LYG1: variants seen among roughly 807,000 people sequenced by gnomAD.
The protein encoded by LYG1 is lysozyme g1, also known as lysozyme g-like protein 1.
LYG1 carries 17 observed loss-of-function variants against 21.7 expected under a neutral mutation model. The ratio of observed to expected loss-of-function variants is 0.78; its 90% CI spans 0.54 to 1.18. The LOEUF is 1.18. Ranked by LOEUF, LYG1 falls within the 50% of genes most tolerant of loss-of-function variation. LYG1 has a pLI of 0.00. For synonymous variants in LYG1, 81 were observed against 87.4 expected (o/e 0.93, Z 0.41); for missense variants, 211 against 238.1 (o/e 0.89, Z 0.75).
In LYG1 at chr2:99,301,103, T is replaced by C. The variant is rs1229863905; in HGVS notation, c.-177A>G. 6.8e-6 allele frequency: 1 copy of C among 147,868 alleles called. No homozygotes were observed. The highest frequency in any genetic ancestry group is 2.5e-5 in the African/African-American group (1 of 39,770). 9.2% of individuals were successfully genotyped at this position (147,868 alleles called of 1,614,324 possible). On this transcript the variant is annotated 5_prime_UTR_variant, in exon 1 of 7. Coordinates refer to ENST00000308528, the MANE Select transcript of LYG1 (RefSeq NM_174898.3). Reference sequence around the variant, plus strand: ...GGTGGTGAGCCCACAGCGATTTATATAGAGTCCTGTTCTCTTGTTAAAAGT... The same window carrying C: ...GGTGGTGAGCCCACAGCGATTTATACAGAGTCCTGTTCTCTTGTTAAAAGT...
upstream of LYG1, among the ~76,000 whole-genome samples, chr2:99,301,462 A>C (rs1432224306): frequency 4.1e-5 from 4 of 96,946 alleles, no homozygotes; most frequent in African/African-American, 6.9e-5. Context: ...GGAAGGGAAG[A>C]GGAAGGGAGG....
intron 5 of LYG1, among the ~76,000 whole-genome samples, chr2:99,286,541 T>TA: frequency 6.6e-6 from 1 of 152,058 alleles, no homozygotes; most frequent in Admixed American, 6.6e-5. Context: ...CCATCTCTAC[T>TA]AAAAATACAA....
chr2:99,300,362 C>T (rs1368091650), intron 1 of LYG1, among the ~76,000 whole-genome samples: 1 of 152,078 alleles, frequency 6.6e-6, no homozygotes, highest in Non-Finnish European at 1.5e-5. Context: ...GCCTGCTTTT[C>T]CCATTTGCGT....
intron 2 of LYG1, among the ~76,000 whole-genome samples, chr2:99,296,733 T>C (rs953806288): frequency 6.5e-4 from 99 of 152,336 alleles, no homozygotes; most frequent in Middle Eastern, 3.4e-3. Context: ...GGAATGTGCA[T>C]ATAAACAAGG....
intron 2 of LYG1, among the ~76,000 whole-genome samples, chr2:99,295,917 TACTC>T (rs908991697): frequency 7.9e-5 from 12 of 152,172 alleles, no homozygotes; most frequent in Non-Finnish European, 1.5e-4. Context: ...AGAAGACTCT[TACTC>T]AGCCCACAGG....
intron 3 of LYG1, among the ~76,000 whole-genome samples, chr2:99,292,886 T>G (rs1322339553): frequency 6.6e-6 from 1 of 152,020 alleles, no homozygotes. Flanking sequence ...TTGAAGCAGT[T>G]ACACTCTTTG....
At chr2:99,300,053 T>G (rs140684066) in intron 1 of LYG1, among the ~76,000 whole-genome samples, 4 of 150,728 alleles carry the variant, frequency 2.7e-5, no homozygotes, top group African/African-American at 9.7e-5. Context: ...AAATATAAAA[T>G]AATATAAAAT....
intron 3 of LYG1, among the ~76,000 whole-genome samples, chr2:99,294,557 G>A (rs1475833592): frequency 6.6e-6 from 1 of 152,122 alleles, no homozygotes; most frequent in Non-Finnish European, 1.5e-5. Flanking sequence ...TATGACTGGT[G>A]ACAAATACCC....
At chr2:99,285,134 G>T (rs1370686381) in intron 5 of LYG1, among the ~76,000 whole-genome samples, 1 of 152,182 alleles carries the variant, frequency 6.6e-6, no homozygotes, top group African/African-American at 2.4e-5. Flanking sequence ...GGCCAAGGTA[G>T]GTGGATCACT....
intron 5 of LYG1, among the ~76,000 whole-genome samples, chr2:99,286,167 C>T (rs1212495294): frequency 6.6e-6 from 1 of 152,160 alleles, no homozygotes; most frequent in Non-Finnish European, 1.5e-5. Flanking sequence ...AGCAAGAAGG[C>T]TCTACCAGAT....
intron 5 of LYG1, 121 bp downstream of exon 5, chr2:99,291,116 T>C: frequency 1.1e-6 from 1 of 875,866 alleles, no homozygotes; most frequent in Non-Finnish European, 1.7e-6. Context: ...GAACTGTCAC[T>C]GTCACAGCTC....
At chr2:99,286,753 C>T (rs2094101410) in intron 5 of LYG1, among the ~76,000 whole-genome samples, 1 of 152,016 alleles carries the variant, frequency 6.6e-6, no homozygotes, top group Admixed American at 6.6e-5. Context: ...ATTTAGTAAT[C>T]CCCTTTCTGG....
chr2:99,295,844 GAA>G lies in LYG1; in HGVS notation c.-32-144_-32-143del, dbSNP rs11289179. Reference sequence around the variant, plus strand: ...GAAAATGAATTATTTGAATCATAGTGAAAAAAAAGCAAAAGTAGGACAAGTAA... The same window carrying G: ...GAAAATGAATTATTTGAATCATAGTGAAAAAAGCAAAAGTAGGACAAGTAA... On this transcript the variant is annotated intron_variant, in intron 2 of 6. Coordinates refer to ENST00000308528, the MANE Select transcript of LYG1 (RefSeq NM_174898.3). The G allele has an allele frequency of 1.8e-4, 132 of 751,878 alleles. 1 individual carries two copies. In the African/African-American group the frequency reaches 2.0e-3, roughly 12 times the overall value. The allele number at this position is 751,878 out of a possible 1,614,324, so 46.6% of individuals were successfully genotyped here.
At chr2:99,300,138 GA>G (rs2094150124) in intron 1 of LYG1, among the ~76,000 whole-genome samples, 1 of 152,050 alleles carries the variant, frequency 6.6e-6, no homozygotes, top group Non-Finnish European at 1.5e-5. Context: ...GCAGCAACAG[GA>G]AGGCTCATTT....
intron 2 of LYG1, among the ~76,000 whole-genome samples, chr2:99,296,261 C>T (rs1346038662): frequency 6.6e-6 from 1 of 152,078 alleles, no homozygotes; most frequent in Non-Finnish European, 1.5e-5. Context: ...TCACCTTGAG[C>T]CATGTTCCCC....
chr2:99,284,476 C>T lies in LYG1; in HGVS notation c.502G>A (p.Val168Ile). The T allele has an allele frequency of 6.2e-7, 1 of 1,614,208 alleles. No individual in the cohort carries two copies. Among genetic ancestry groups the T allele is most frequent in the Non-Finnish European group, 8.5e-7 (1 of 1,180,028 alleles). ...LCAYSGGAGY[V>I]RSSQDLSCDF... Reference sequence around the variant, plus strand: ...CAGCTCAGGTCCTGGCTGCTTCGGACATAGCCAGCACCCCCACTGTAGGCA... The same window carrying T: ...CAGCTCAGGTCCTGGCTGCTTCGGATATAGCCAGCACCCCCACTGTAGGCA... Residue 168 changes from valine to isoleucine, a missense_variant, in exon 7 of 7, where the codon GTC becomes ATC. Physicochemically the swap from Val to Ile is conservative, Grantham distance 29. Coordinates refer to ENST00000308528, the MANE Select transcript of LYG1 (RefSeq NM_174898.3).
In LYG1 at chr2:99,296,351, A is replaced by G. The variant is rs115335626; in HGVS notation, c.-32-649T>C. ...AGAATGGAGCTACCTCCACCAGCAA[A>G]TCCCCAAGAAGCTGGCTCATGGGCA... is the stretch of plus-strand genomic sequence containing the variant. On this transcript the variant is annotated intron_variant, in intron 2 of 6. Coordinates refer to ENST00000308528, the MANE Select transcript of LYG1 (RefSeq NM_174898.3). Among the ~76,000 whole-genome samples, 710 of 152,198 alleles carry G rather than the reference A, an allele frequency of 4.7e-3. 6 individuals carry two copies. Among genetic ancestry groups the G allele is most frequent in the African/African-American group, 0.017 (690 of 41,516 alleles).
intron 5 of LYG1, among the ~76,000 whole-genome samples, chr2:99,285,745 A>G (rs1211700335): frequency 6.6e-6 from 1 of 152,208 alleles, no homozygotes; most frequent in African/African-American, 2.4e-5. Context: ...TTTGCAATAA[A>G]CTTCTTCGCC....
Position 99,292,660 on chromosome 2 carries a change from C to T in LYG1, c.44-20G>A. Reference sequence around the variant, plus strand: ...ACAAGTCTACAAGTTGAGAAAAGTTCAGCCTAAGGCATGGAACTAGTTCTC... The same window carrying T: ...ACAAGTCTACAAGTTGAGAAAAGTTTAGCCTAAGGCATGGAACTAGTTCTC... On this transcript the variant is annotated intron_variant, in intron 3 of 6. Coordinates refer to ENST00000308528, the MANE Select transcript of LYG1 (RefSeq NM_174898.3). 6.6e-7 allele frequency: 1 copy of T among 1,521,130 alleles called. No homozygotes were observed. Among genetic ancestry groups the T allele is most frequent in the Non-Finnish European group, 9.1e-7 (1 of 1,095,008 alleles). 94.2% of individuals were successfully genotyped at this position (1,521,130 alleles called of 1,614,324 possible).
Sources: allele counts gnomAD v4.1 joint callset (sites outside exome capture counted in the v4.1 genomes callset), GRCh38; gene constraint gnomAD v4.1.1; transcripts MANE v1.5; gene names NCBI Gene and HGNC (gene_info 2026-07-23, HGNC 2026-07-21).